Variants in CACNA1I observed in about 807,000 individuals in gnomAD.
CACNA1I encodes calcium voltage-gated channel subunit alpha1 I.
CACNA1I carries 74 observed loss-of-function variants against 201.6 expected under a neutral mutation model. The ratio of observed to expected loss-of-function variants is 0.37; its 90% CI spans 0.30 to 0.45. The LOEUF is 0.45. Ranked by LOEUF, CACNA1I falls within the 20% of genes least tolerant of loss-of-function variation. The pLI, the probability that CACNA1I is intolerant of heterozygous loss-of-function variation, is 1.00. For synonymous variants in CACNA1I, 1,431 were observed against 1,345.2 expected, an observed-to-expected ratio of 1.06 and a Z score of -1.40; for missense variants, 2,346 against 3,138.1, an observed-to-expected ratio of 0.75 and a Z score of 6.03.
At chr22:39,600,360 G>A (rs919722014) in intron 2 of CACNA1I, among the ~76,000 whole-genome samples, 160 bp from the exon 3 acceptor site, 1 of 152,054 alleles carries the variant, frequency 6.6e-6, no homozygotes, top group Non-Finnish European at 1.5e-5. Flanking sequence ...GCATTGGACT[G>A]GGATCACTGA....
chr22:39,674,175 A>G, intron 29 of CACNA1I, 142 bp downstream of exon 29: 1 of 747,274 alleles, frequency 1.3e-6, no homozygotes, highest in Non-Finnish European at 2.2e-6. Context: ...ATTTTGAGCC[A>G]GGGGCTGAGA....
rs550668919 is a variant in CACNA1I at position 39,576,621 on chromosome 22, C to A, written c.236+5633C>A. Among the ~76,000 whole-genome samples the A allele has an allele frequency of 1.2e-4, 18 of 152,322 alleles. No homozygotes were observed. In the East Asian group the frequency reaches 3.5e-3, roughly 29 times the overall value. On this transcript the variant is annotated intron_variant, in intron 1 of 36. Transcript: ENST00000402142. ...AGTGATGCATAGTGCGGAAGCCAGTCGGCTGTGAAGGCCGCCTCTCTGCTC... is the reference window on the plus strand; with the variant it reads ...AGTGATGCATAGTGCGGAAGCCAGTAGGCTGTGAAGGCCGCCTCTCTGCTC...
chr22:39,585,220 C>T (rs1212460955), intron 1 of CACNA1I, among the ~76,000 whole-genome samples: 7 of 151,646 alleles, frequency 4.6e-5, no homozygotes, highest in South Asian at 2.1e-4. Context: ...CCACTGTGCC[C>T]GGATAATTTT....
Position 39,659,905 on chromosome 22 carries a change from G to C in CACNA1I, c.2604+53G>C. On this transcript the variant is annotated intron_variant, in intron 14 of 36. Coordinates refer to ENST00000402142, the MANE Select transcript of CACNA1I (RefSeq NM_021096.4). This position sits in a 1 kb window ranked among gnomAD's most constrained non-coding sequence, Gnocchi z 4.3. ...CCCCCACAGGGTCTGCGAAAGACTG[G>C]GCGAGGGAGAGGTGGCCTGGATGGG... The C allele has an allele frequency of 6.2e-7, 1 of 1,606,900 alleles. No individual in the cohort carries two copies. Among genetic ancestry groups the C allele is most frequent in the Non-Finnish European group, 8.5e-7 (1 of 1,174,456 alleles).
At chr22:39,679,479 A>C (rs1200661234) in intron 32 of CACNA1I, 34 bp downstream of exon 32, 1 of 1,358,272 alleles carries the variant, frequency 7.4e-7, no homozygotes, top group Admixed American at 3.2e-5. Flanking sequence ...GAGGGTCGCC[A>C]GAGGGGGGGC....
At chr22:39,601,414 C>A (rs1175295536) in intron 3 of CACNA1I, among the ~76,000 whole-genome samples, 1 of 152,234 alleles carries the variant, frequency 6.6e-6, no homozygotes, top group Non-Finnish European at 1.5e-5. Flanking sequence ...TTTAACACAG[C>A]AGCCCGACTG....
chr22:39,585,727 G>GGTT (rs1932730672), intron 1 of CACNA1I, among the ~76,000 whole-genome samples: 1 of 83,904 alleles, frequency 1.2e-5, no homozygotes, highest in Non-Finnish European at 2.0e-5. Flanking sequence ...AACTTTTAAA[G>GGTT]TTTTTTTTTT....
chr22:39,668,313 C>T lies in CACNA1I; in HGVS notation c.4126C>T (p.Leu1376=). ...CCAGGCTCTGATGTCCCTCTTTGTC[C>T]TGGCATCCAAGGATGGTTGGGTGAA... ...LGQALMSLFV[L]ASKDGWVNIM... The change falls in exon 24 of 37, where the codon CTG becomes TTG. Residue 1376 remains leucine, a synonymous_variant. Coordinates refer to ENST00000402142, the MANE Select transcript of CACNA1I (RefSeq NM_021096.4). 1 of 1,613,238 alleles carries T rather than the reference C, an allele frequency of 6.2e-7. No homozygotes were observed. Among genetic ancestry groups the T allele is most frequent in the Non-Finnish European group, 8.5e-7 (1 of 1,179,278 alleles).
chr22:39,652,453 C>A (rs1934679624), intron 10 of CACNA1I, among the ~76,000 whole-genome samples: 1 of 152,218 alleles, frequency 6.6e-6, no homozygotes, highest in African/African-American at 2.4e-5. Context: ...CAGGGACAGG[C>A]CACCATTTAC....
intron 3 of CACNA1I, among the ~76,000 whole-genome samples, chr22:39,605,282 C>T (rs2146375691): frequency 6.6e-6 from 1 of 152,314 alleles, no homozygotes; most frequent in African/African-American, 2.4e-5. Context: ...TTCATCTCCA[C>T]ATCTGGTGTA....
chr22:39,674,285 T>C (rs1337241589), intron 29 of CACNA1I, among the ~76,000 whole-genome samples: 1 of 152,174 alleles, frequency 6.6e-6, no homozygotes, highest in African/African-American at 2.4e-5. Context: ...GGGTCCACAT[T>C]GTGCCCTTGG....
intron 1 of CACNA1I, among the ~76,000 whole-genome samples, chr22:39,573,380 G>A (rs576579531): frequency 2.9e-4 from 44 of 152,128 alleles, no homozygotes; most frequent in Non-Finnish European, 5.6e-4. Flanking sequence ...ACTTGGCCTG[G>A]GAGTCTGACC....
At chr22:39,656,298 G>C (rs1470184968) in intron 10 of CACNA1I, 7 of 457,476 alleles carry the variant, frequency 1.5e-5, no homozygotes, top group Non-Finnish European at 8.8e-6. Flanking sequence ...GTTGCTGATG[G>C]AGGGGCTCCT....
intron 4 of CACNA1I, among the ~76,000 whole-genome samples, chr22:39,622,599 G>T (rs182508794): frequency 2.7e-5 from 4 of 149,460 alleles, no homozygotes; most frequent in African/African-American, 7.4e-5. Flanking sequence ...AGTGCGGTGT[G>T]GGGGGGGCGG....
chr22:39,629,856 CT>C lies in CACNA1I; in HGVS notation c.581-4708del, dbSNP rs1934007917. Among the ~76,000 whole-genome samples, 4 of 152,298 alleles carry C rather than the reference CT, an allele frequency of 2.6e-5. No homozygotes were observed. The South Asian group carries it at 8.3e-4, about 32-fold the overall frequency. On this transcript the variant is annotated intron_variant, in intron 4 of 36. Transcript: ENST00000402142. This position sits in a 1 kb window ranked among gnomAD's most constrained non-coding sequence, Gnocchi z 4.8. Reference sequence around the variant, plus strand: ...GACTGTGCGGCTGATGCTCTCTCTCCTCTGCCCTGGCCCCCCGCGATCCATT... The same window carrying C: ...GACTGTGCGGCTGATGCTCTCTCTCCCTGCCCTGGCCCCCCGCGATCCATT...
intron 10 of CACNA1I, among the ~76,000 whole-genome samples, chr22:39,651,656 C>T (rs1934652042): frequency 1.3e-5 from 2 of 152,212 alleles, no homozygotes; most frequent in Admixed American, 6.5e-5. Context: ...AGGGGGCCTG[C>T]ACAGCCCTGC....
chr22:39,688,994 C>A lies in CACNA1I; in HGVS notation c.*2589C>A, dbSNP rs568016008. On this transcript the variant is annotated 3_prime_UTR_variant, in exon 37 of 37. Transcript: ENST00000402142. The surrounding 1 kb of genome is among the most constrained non-coding windows in gnomAD (Gnocchi z 4.8). ...GTGACAGAGATGAGAACCAGGGAAG[C>A]TGTGATCCACTGGCCAGGACAAGTC... 34 of 152,882 alleles carry A rather than the reference C, an allele frequency of 2.2e-4. No homozygotes were observed. The highest frequency in any genetic ancestry group is 2.2e-3 in the Admixed American group (33 of 15,316). The allele number at this position is 152,882 out of a possible 1,614,324, so 9.5% of individuals were successfully genotyped here.
intron 3 of CACNA1I, among the ~76,000 whole-genome samples, chr22:39,618,570 G>T (rs1213701743): frequency 1.3e-5 from 2 of 152,056 alleles, no homozygotes; most frequent in Non-Finnish European, 1.5e-5. Flanking sequence ...AGCAGCGGGA[G>T]GGGGTGGCAG....
chr22:39,644,241 G>A (rs1424789465), intron 7 of CACNA1I, among the ~76,000 whole-genome samples: 1 of 152,208 alleles, frequency 6.6e-6, no homozygotes, highest in Admixed American at 6.5e-5. Context: ...GGGGCTGGAG[G>A]ATGCTCCATC....
Sources: allele counts gnomAD v4.1 joint callset (sites outside exome capture counted in the v4.1 genomes callset), GRCh38; gene constraint gnomAD v4.1.1; non-coding constraint Gnocchi (gnomAD v3.1); transcripts MANE v1.5; gene names NCBI Gene and HGNC (gene_info 2026-07-23, HGNC 2026-07-21).